The following MED25 variants were observed in gnomAD, a reference collection of about 807,000 sequenced individuals.
The protein encoded by MED25 is mediator complex subunit 25, also known as mediator of RNA polymerase II transcription subunit 25.
MED25 carries 62 observed loss-of-function variants against 89.4 expected under a neutral mutation model. That is an observed-to-expected ratio of 0.69 (90% CI 0.57 to 0.86). The LOEUF (loss-of-function observed/expected upper bound fraction) is 0.86. Among genes scored for constraint, MED25 ranks in the 40% least tolerant of loss-of-function variants. MED25 has a pLI of 0.00. For missense variants in MED25, 905 were observed against 1,005.2 expected (o/e 0.90, Z 1.35); for synonymous variants, 449 against 427.9 (o/e 1.05, Z -0.61).
chr19:49,831,299 C>T lies in MED25; in HGVS notation c.1102-34C>T, dbSNP rs1203724345. The T allele has an allele frequency of 3.1e-6, 5 of 1,603,774 alleles. No homozygotes were observed. The South Asian group carries it at 5.6e-5, about 18-fold the overall frequency. On this transcript the variant is annotated intron_variant, in intron 9 of 17. Transcript: ENST00000312865. The surrounding 1 kb of genome is among the most constrained non-coding windows in gnomAD (Gnocchi z 5.0). ...GCCCCCGGAGGCTCCCGGCCTTCCC[C>T]ATTCTCATGGCCCTCCTTCCTCCCC... is the stretch of plus-strand genomic sequence containing the variant.
In MED25 at chr19:49,830,595, C is replaced by T. The variant is rs775122561; in HGVS notation, c.904C>T (p.Arg302Cys). 45 of 1,614,002 alleles carry T rather than the reference C, an allele frequency of 2.8e-5. No homozygotes were observed. The highest frequency in any genetic ancestry group is 1.7e-4 in the Admixed American group (10 of 60,004). Residue 302 changes from arginine (R) to cysteine (C), a missense_variant, in exon 8 of 18, where the codon CGC (arginine) becomes TGC (cysteine). Physicochemically the swap from Arg to Cys is radical, Grantham distance 180. Around this residue, in one of 3 missense-constraint regions of MED25, gnomAD observed 501 missense variants for 526.9 expected, o/e 0.95. Coordinates refer to ENST00000312865, the MANE Select transcript of MED25 (RefSeq NM_030973.4). This position sits in a 1 kb window ranked among gnomAD's most constrained non-coding sequence, Gnocchi z 4.6. ...GAACCAGAAGGCTGGGCTGGGCCCT[C>T]GCTGTGAGTCCTGGAGTGAGGATGA... ...AKNQKAGLGP[R>C]FSPITPLQQA...
chr19:49,829,189 G>C lies in MED25; in HGVS notation c.525+99G>C. 1 of 1,071,362 alleles carries C rather than the reference G, an allele frequency of 9.3e-7. No homozygotes were observed. The highest frequency in any genetic ancestry group is 1.4e-6 in the Non-Finnish European group (1 of 717,506). The allele number at this position is 1,071,362 out of a possible 1,614,324, so 66.4% of individuals were successfully genotyped here. ...GGCCTGGACTCCTGGGTCTGAGGGA[G>C]GAGGCACTGGGGGCCTGGACTCTTG... On this transcript the variant is annotated intron_variant, in intron 5 of 17. Transcript: ENST00000312865. The surrounding 1 kb of genome is among the most constrained non-coding windows in gnomAD (Gnocchi z 4.6).
intron 3 of MED25, among the ~76,000 whole-genome samples, chr19:49,825,304 A>G (rs566917232): frequency 2.0e-5 from 3 of 152,142 alleles, no homozygotes; most frequent in Admixed American, 6.5e-5. Flanking sequence ...GCTGGAGTGC[A>G]GTGGCATGAT....
At chr19:49,821,169 G>A (rs764787997) in intron 3 of MED25, among the ~76,000 whole-genome samples, 9 of 152,162 alleles carry the variant, frequency 5.9e-5, no homozygotes, top group African/African-American at 1.4e-4. Flanking sequence ...CCAAGGTGGC[G>A]AGTCTGTGGC....
At chr19:49,819,972 C>G (rs948606682) in intron 3 of MED25, 1 of 154,196 alleles carries the variant, frequency 6.5e-6, no homozygotes, top group African/African-American at 2.4e-5. Flanking sequence ...ATTACAGGCA[C>G]ACGCCACTAT....
At chr19:49,820,514 CAG>C (rs1460031611) in intron 3 of MED25, among the ~76,000 whole-genome samples, 1 of 152,202 alleles carries the variant, frequency 6.6e-6, no homozygotes, top group Non-Finnish European at 1.5e-5. Flanking sequence ...TTAGATAAAA[CAG>C]AATACTTGAA....
Position 49,836,143 on chromosome 19 carries a change from G to A in MED25, c.1966-83G>A. ...GAAAAACTTCCCCTCACCACTAGCTGATTCCATCTCTGAGCAGTGTCTGTG... is the reference window on the plus strand; with the variant it reads ...GAAAAACTTCCCCTCACCACTAGCTAATTCCATCTCTGAGCAGTGTCTGTG... On this transcript the variant is annotated intron_variant, in intron 16 of 17. Transcript: ENST00000312865. The surrounding 1 kb of genome is among the most constrained non-coding windows in gnomAD (Gnocchi z 5.1). The A allele has an allele frequency of 6.5e-7, 1 of 1,543,444 alleles. No individual in the cohort carries two copies.
At position 49,836,412 on chromosome 19, in the gene MED25, G is replaced by T. The variant is rs756773643; in HGVS notation, c.2146+6G>T. On this transcript the variant is annotated splice_donor_region_variant and intron_variant, in intron 17 of 17. Transcript: ENST00000312865. The surrounding 1 kb of genome is among the most constrained non-coding windows in gnomAD (Gnocchi z 5.1). ...CCCTCGGGCTCCACTGCCAGGTAAG[G>T]GGACCCGGGGGAGGGCAGAGGTCTG... 1.3e-6 allele frequency: 2 copies of T among 1,580,208 alleles called. No homozygotes were observed. Among genetic ancestry groups the T allele is most frequent in the Non-Finnish European group, 1.7e-6 (2 of 1,162,760 alleles).
In MED25 at chr19:49,836,665, A is replaced by C; in HGVS notation, c.2147-182A>C. On this transcript the variant is annotated intron_variant, in intron 17 of 17. Transcript: ENST00000312865. This position sits in a 1 kb window ranked among gnomAD's most constrained non-coding sequence, Gnocchi z 5.1. Reference sequence around the variant, plus strand: ...CTGGGAAATGTGGTCTTAGGGCCAGAGAAGTAGTTTTGGAGAAGGGCCCCC... The same window carrying C: ...CTGGGAAATGTGGTCTTAGGGCCAGCGAAGTAGTTTTGGAGAAGGGCCCCC... The C allele has an allele frequency of 1.4e-6, 1 of 738,630 alleles. No individual in the cohort carries two copies. The highest frequency in any genetic ancestry group is 2.5e-6 in the Non-Finnish European group (1 of 407,318). 45.8% of individuals were successfully genotyped at this position (738,630 alleles called of 1,614,324 possible).
Position 49,836,034 on chromosome 19 carries a change from G to C in MED25, c.1965+89G>C. ...GTCTGGGAGGAGGGAGGTTGACTGT[G>C]GTCAGTGGGTGTGAATGGGGACCCG... is the stretch of plus-strand genomic sequence containing the variant. On this transcript the variant is annotated intron_variant, in intron 16 of 17. Coordinates refer to ENST00000312865, the MANE Select transcript of MED25 (RefSeq NM_030973.4). The surrounding 1 kb of genome is among the most constrained non-coding windows in gnomAD (Gnocchi z 5.1). 2 of 1,563,576 alleles carry C rather than the reference G, an allele frequency of 1.3e-6. No homozygotes were observed. The highest frequency in any genetic ancestry group is 1.7e-4 in the Middle Eastern group (1 of 5,992).
intron 3 of MED25, 151 bp downstream of exon 3, chr19:49,819,447 A>C: frequency 2.2e-6 from 1 of 458,124 alleles, no homozygotes; most frequent in Non-Finnish European, 3.1e-6. Context: ...GTGAATAAGT[A>C]ATGGCTTGGG....
At chr19:49,833,253 T>TGC (rs2074072296) in intron 13 of MED25, 2 of 152,480 alleles carry the variant, frequency 1.3e-5, no homozygotes, top group Non-Finnish European at 2.9e-5. Context: ...ATTACAGGCA[T>TGC]GTGCCACTAT....
In MED25 at chr19:49,836,216, GT is replaced by G; in HGVS notation, c.1966-8del. ...CAGGAGCCTCTGAGCCACTCTCTGT[GT>G]TCTCCCAGCCGCAGACTGGGGTGCC... On this transcript the variant is annotated splice_polypyrimidine_tract_variant and intron_variant, in intron 16 of 17. Transcript: ENST00000312865. This position sits in a 1 kb window ranked among gnomAD's most constrained non-coding sequence, Gnocchi z 5.1. 1 of 1,611,612 alleles carries G rather than the reference GT, an allele frequency of 6.2e-7. No homozygotes were observed. Among genetic ancestry groups the G allele is most frequent in the South Asian group, 1.1e-5 (1 of 90,998 alleles).
At chr19:49,819,376 T>A (rs2073966310) in intron 3 of MED25, 80 bp downstream of exon 3, 2 of 1,538,108 alleles carry the variant, frequency 1.3e-6, no homozygotes, top group Non-Finnish European at 1.8e-6. Context: ...GTGGTTGGTG[T>A]CCCCGTGAGA....
chr19:49,826,816 C>G (rs2074018845), intron 3 of MED25, among the ~76,000 whole-genome samples: 1 of 152,180 alleles, frequency 6.6e-6, no homozygotes, highest in African/African-American at 2.4e-5. Flanking sequence ...ATGCAGAGAC[C>G]TGGATGTCTG....
Position 49,830,227 on chromosome 19 carries a change from A to G in MED25, c.819+9A>G, listed in dbSNP as rs779630395. ...TCCCCCCGCAGTACCAGGTATGGAT[A>G]TTTCCGGGAAGGGACATGCTTCTGG... On this transcript the variant is annotated intron_variant, in intron 7 of 17. Coordinates refer to ENST00000312865, the MANE Select transcript of MED25 (RefSeq NM_030973.4). The surrounding 1 kb of genome is among the most constrained non-coding windows in gnomAD (Gnocchi z 4.6). 6 of 1,604,680 alleles carry G rather than the reference A, an allele frequency of 3.7e-6. No homozygotes were observed. Among genetic ancestry groups the G allele is most frequent in the Non-Finnish European group, 5.1e-6 (6 of 1,175,432 alleles).
chr19:49,831,589 C>A lies in MED25; in HGVS notation c.1230+128C>A. The A allele has an allele frequency of 8.1e-7, 1 of 1,236,810 alleles. No individual in the cohort carries two copies. The highest frequency in any genetic ancestry group is 1.1e-6 in the Non-Finnish European group (1 of 898,356). 76.6% of individuals were successfully genotyped at this position (1,236,810 alleles called of 1,614,324 possible). A position where few individuals can be genotyped will look rare whatever the true frequency, so the allele number is the denominator to read the frequency against. ...TTTGGAGGCATTCGTTGCGCTGGAC[C>A]TGTGGGATGCGGGGCGAGGCCAGGA... On this transcript the variant is annotated intron_variant, in intron 10 of 17. Coordinates refer to ENST00000312865, the MANE Select transcript of MED25 (RefSeq NM_030973.4). This position sits in a 1 kb window ranked among gnomAD's most constrained non-coding sequence, Gnocchi z 5.0.
At chr19:49,822,937 G>A (rs529332114) in intron 3 of MED25, among the ~76,000 whole-genome samples, 6 of 152,016 alleles carry the variant, frequency 3.9e-5, no homozygotes, top group South Asian at 2.1e-4. Context: ...GTGAGCCACC[G>A]CGCCTGGCCT....
rs758332353 is a variant in MED25, at chr19:49,828,513, C to T, written c.370C>T (p.Leu124=). The change falls in exon 4 of 18, where the codon CTG becomes TTG. Residue 124 remains leucine (L), a synonymous_variant. Coordinates refer to ENST00000312865, the MANE Select transcript of MED25 (RefSeq NM_030973.4). The part of the protein sequence containing the change: ...IAEGLSTALQ[L]FDDFKKMREQ... ...GGAAGGACTCAGCACAGCCTTGCAG[C>T]TGTTTGATGACTTCAAGAAGATGCG... 6.8e-6 allele frequency: 11 copies of T among 1,613,998 alleles called. No individual in the cohort carries two copies. The South Asian group carries it at 1.2e-4, about 18-fold the overall frequency.
Sources: allele counts gnomAD v4.1 joint callset (sites outside exome capture counted in the v4.1 genomes callset), GRCh38; gene constraint gnomAD v4.1.1; regional missense constraint gnomAD v4.1.1; non-coding constraint Gnocchi (gnomAD v3.1); transcripts MANE v1.5; gene names NCBI Gene and HGNC (gene_info 2026-07-23, HGNC 2026-07-21).